ST18: variants seen among roughly 807,000 people sequenced by gnomAD.
The protein encoded by ST18 is suppression of tumorigenicity 18 protein.
A neutral mutation model predicts 110.0 loss-of-function variants in ST18; 50 were observed. That is an observed-to-expected ratio of 0.45 (90% CI 0.36 to 0.58). The LOEUF is 0.58. Among genes scored for constraint, ST18 ranks in the 20% least tolerant of loss-of-function variants. The pLI, the probability that ST18 is intolerant of heterozygous loss-of-function variation, is 0.00. For missense variants in ST18, 1,306 were observed against 1,280.1 expected (o/e 1.02, Z -0.31); for synonymous variants, 461 against 452.4 (o/e 1.02, Z -0.24).
intron 2 of ST18, among the ~76,000 whole-genome samples, chr8:52,230,706 A>G (rs1429908951): frequency 6.6e-6 from 1 of 152,182 alleles, no homozygotes; most frequent in Non-Finnish European, 1.5e-5. Flanking sequence ...TTCCACGCTA[A>G]AAATATTTTT....
intron 2 of ST18, among the ~76,000 whole-genome samples, chr8:52,264,784 G>A (rs2094814281): frequency 6.6e-6 from 1 of 152,208 alleles, no homozygotes; most frequent in Non-Finnish European, 1.5e-5. Flanking sequence ...TGCATCTAAA[G>A]ATGCTCAAAG....
At chr8:52,278,007 T>G (rs183574282) in intron 2 of ST18, among the ~76,000 whole-genome samples, 3 of 152,158 alleles carry the variant, frequency 2.0e-5, no homozygotes, top group Non-Finnish European at 2.9e-5. Context: ...ATGCACAAAA[T>G]ATTATAAAAT....
intron 2 of ST18, among the ~76,000 whole-genome samples, chr8:52,371,645 T>G (rs1830303402): frequency 6.6e-6 from 1 of 152,228 alleles, no homozygotes; most frequent in Non-Finnish European, 1.5e-5. Context: ...TCAACGCTTT[T>G]CCAGCATTCC....
At chr8:52,208,669 A>G (rs2135833148) in intron 8 of ST18, among the ~76,000 whole-genome samples, 1 of 152,324 alleles carries the variant, frequency 6.6e-6, no homozygotes, top group East Asian at 1.9e-4. Context: ...TACTAAAAAT[A>G]CAAAAAATTA....
intron 2 of ST18, among the ~76,000 whole-genome samples, chr8:52,263,743 CTTTTT>C (rs755461916): frequency 7.4e-5 from 7 of 94,594 alleles, no homozygotes; most frequent in African/African-American, 2.6e-4. Flanking sequence ...CAGTGCCTGG[CTTTTT>C]TTTTTTTTTT....
chr8:52,159,035 G>C lies in ST18; in HGVS notation c.1669C>G (p.Arg557Gly). ...TGACCGTAGCTATAAGAGCTGGCAC[G>C]GCCAGGGCTCTGGGTGTGGGCGCCT... is the stretch of plus-strand genomic sequence containing the variant. ...SAGAHTQSPG[R>G]ASSYSYGQCS... is the part of the protein sequence containing the mutation. The change falls in exon 15 of 26, where the codon CGT becomes GGT. Residue 557 changes from arginine (R) to glycine (G), a missense_variant. Transcript: ENST00000689386. The C allele has an allele frequency of 6.2e-7, 1 of 1,614,174 alleles. No individual in the cohort carries two copies. Among genetic ancestry groups the C allele is most frequent in the Non-Finnish European group, 8.5e-7 (1 of 1,180,032 alleles).
At chr8:52,141,951 G>T (rs1352300385) in intron 17 of ST18, among the ~76,000 whole-genome samples, 2 of 152,166 alleles carry the variant, frequency 1.3e-5, no homozygotes, top group Non-Finnish European at 2.9e-5. Flanking sequence ...TCTTTAGAAG[G>T]CTACACATGA....
At chr8:52,114,513 T>C (rs2041822757) in intron 25 of ST18, among the ~76,000 whole-genome samples, 1 of 152,222 alleles carries the variant, frequency 6.6e-6, no homozygotes, top group Non-Finnish European at 1.5e-5. Context: ...CTGTTATTGT[T>C]GCTATTTAAG....
intron 6 of ST18, among the ~76,000 whole-genome samples, chr8:52,216,981 G>A (rs1245828440): frequency 6.6e-6 from 1 of 152,132 alleles, no homozygotes; most frequent in Non-Finnish European, 1.5e-5. Context: ...ATTATGGTAT[G>A]ATTCAAGAAA....
intron 2 of ST18, among the ~76,000 whole-genome samples, chr8:52,284,543 G>A (rs975968538): frequency 3.9e-5 from 6 of 152,224 alleles, no homozygotes; most frequent in Admixed American, 2.0e-4. Context: ...GCAGTGACAG[G>A]GAGCCAGGAG....
chr8:52,165,369 G>A lies in ST18; in HGVS notation c.1205-144C>T, dbSNP rs1413609331. 7 of 751,860 alleles carry A rather than the reference G, an allele frequency of 9.3e-6. No individual in the cohort carries two copies. In the African/African-American group the frequency reaches 1.1e-4, roughly 11 times the overall value. 46.6% of individuals were successfully genotyped at this position (751,860 alleles called of 1,614,324 possible). On this transcript the variant is annotated intron_variant, in intron 11 of 25. Coordinates refer to ENST00000689386, the MANE Select transcript of ST18 (RefSeq NM_001352837.2). The stretch of plus-strand genomic sequence containing the variant: ...TCTCTCTCTATTCAGACACAAACAA[G>A]TGAGCATGGAAGAACTTCAGAAATT...
intron 2 of ST18, chr8:52,406,018 C>G (rs1407839274): frequency 6.6e-6 from 1 of 152,132 alleles, no homozygotes; most frequent in African/African-American, 2.4e-5. Context: ...TTACAGAGCT[C>G]CATGAGTGGG....
At position 52,297,459 on chromosome 8, in the gene ST18, A is replaced by G. The variant is rs2095652909; in HGVS notation, c.-464-67382T>C. Among the ~76,000 whole-genome samples, 5 of 152,380 alleles carry G rather than the reference A, an allele frequency of 3.3e-5. No homozygotes were observed. In the South Asian group the frequency reaches 1.0e-3, roughly 32 times the overall value. On this transcript the variant is annotated intron_variant, in intron 2 of 25. Transcript: ENST00000689386. The stretch of plus-strand genomic sequence containing the variant: ...TGTTAATTCCTAACTTGTAAATATA[A>G]CACAATAAATTCCAGACAAATTAAA...
intron 16 of ST18, among the ~76,000 whole-genome samples, chr8:52,144,439 CCCAG>C (rs2056477399): frequency 6.6e-6 from 1 of 151,924 alleles, no homozygotes; most frequent in Non-Finnish European, 1.5e-5. Context: ...CCTGGATTTT[CCCAG>C]CCAAAGAAAA....
At chr8:52,254,667 C>T (rs1022415941) in intron 2 of ST18, among the ~76,000 whole-genome samples, 4 of 152,118 alleles carry the variant, frequency 2.6e-5, no homozygotes, top group African/African-American at 7.2e-5. Context: ...CTGACTTTAT[C>T]GCCACGGCAA....
At chr8:52,166,033 T>C (rs1368556561) in intron 11 of ST18, among the ~76,000 whole-genome samples, 2 of 152,140 alleles carry the variant, frequency 1.3e-5, no homozygotes, top group African/African-American at 4.8e-5. Context: ...CAGGATGTCC[T>C]GAGACAACAC....
chr8:52,273,520 C>T (rs368340566), intron 2 of ST18, among the ~76,000 whole-genome samples: 1 of 152,176 alleles, frequency 6.6e-6, no homozygotes, highest in Non-Finnish European at 1.5e-5. Context: ...CAATTCCCCA[C>T]ATCTAAGAGT....
chr8:52,290,673 C>T (rs111644631), intron 2 of ST18, among the ~76,000 whole-genome samples: 1 of 152,058 alleles, frequency 6.6e-6, no homozygotes, highest in African/African-American at 2.4e-5. Context: ...CTGAGCCCTG[C>T]GCATCCAGTT....
chr8:52,132,880 G>A (rs2050264944), intron 21 of ST18, among the ~76,000 whole-genome samples, 177 bp downstream of exon 21: 1 of 152,172 alleles, frequency 6.6e-6, no homozygotes, highest in African/African-American at 2.4e-5. Context: ...AGCTGTGGAA[G>A]TGTAGATATA....
Sources: allele counts gnomAD v4.1 joint callset (sites outside exome capture counted in the v4.1 genomes callset), GRCh38; gene constraint gnomAD v4.1.1; transcripts MANE v1.5; gene names NCBI Gene and HGNC (gene_info 2026-07-23, HGNC 2026-07-21).